Variants in FOCAD observed in about 807,000 individuals in gnomAD.
FOCAD encodes the protein focadhesin, also known as KIAA1797.
FOCAD carries 198 observed loss-of-function variants against 225.6 expected under a neutral mutation model. The observed-to-expected ratio is 0.88, with a 90% CI of 0.78 to 0.99. The LOEUF is 0.99. Ranked by LOEUF, FOCAD falls within the 50% of genes least tolerant of loss-of-function variation. FOCAD has a pLI of 0.00. For missense variants in FOCAD, 2,713 were observed against 2,123.6 expected (o/e 1.28, Z -5.46); for synonymous variants, 897 against 755.0 (o/e 1.19, Z -3.08).
At chr9:20,798,384 C>T (rs1275054346) in intron 11 of FOCAD, among the ~76,000 whole-genome samples, 1 of 152,092 alleles carries the variant, frequency 6.6e-6, no homozygotes, top group Non-Finnish European at 1.5e-5. Flanking sequence ...GGAGGATTCC[C>T]TCTTTTTCTA....
chr9:20,714,215 G>C (rs1319517968), intron 1 of FOCAD, among the ~76,000 whole-genome samples: 1 of 152,098 alleles, frequency 6.6e-6, no homozygotes, highest in Admixed American at 6.6e-5. Context: ...AATCCAAAGT[G>C]CTCCAATGAG....
intron 21 of FOCAD, among the ~76,000 whole-genome samples, chr9:20,903,657 G>A (rs1832728952): frequency 6.6e-6 from 1 of 151,800 alleles, no homozygotes; most frequent in Admixed American, 6.6e-5. Context: ...ATTGTAGTTA[G>A]ACTGACCTCT....
chr9:20,840,197 A>C (rs1245278772), intron 15 of FOCAD, among the ~76,000 whole-genome samples: 3 of 152,060 alleles, frequency 2.0e-5, no homozygotes. Flanking sequence ...TATGTGAAGA[A>C]TGTCTTTGTT....
chr9:20,786,796 A>ACCTG (rs1211715384), intron 10 of FOCAD: 1 of 158,508 alleles, frequency 6.3e-6, no homozygotes, highest in African/African-American at 2.4e-5. Flanking sequence ...TACCTGTAAA[A>ACCTG]GATGTCTTAC....
intron 43 of FOCAD, among the ~76,000 whole-genome samples, chr9:20,995,307 C>G (rs1248602363): frequency 2.6e-5 from 4 of 150,978 alleles, no homozygotes; most frequent in African/African-American, 9.7e-5. Context: ...TCCCAGAAGT[C>G]AGCTTTCATT....
intron 1 of FOCAD, among the ~76,000 whole-genome samples, chr9:20,709,270 C>T (rs1396783320): frequency 6.6e-6 from 1 of 151,824 alleles, no homozygotes; most frequent in African/African-American, 2.4e-5. Flanking sequence ...TTTAGACAGA[C>T]AAAAAAGGCA....
At chr9:20,843,640 A>C (rs756566441) in intron 15 of FOCAD, among the ~76,000 whole-genome samples, 1 of 152,154 alleles carries the variant, frequency 6.6e-6, no homozygotes, top group East Asian at 1.9e-4. Flanking sequence ...GAATATTGAT[A>C]TCTTTCTCTA....
chr9:20,931,990 C>A (rs113834331), intron 27 of FOCAD, among the ~76,000 whole-genome samples: 3,073 of 151,748 alleles, frequency 0.02, 114 homozygotes, highest in African/African-American at 0.071. Flanking sequence ...AATTTAAGTT[C>A]CATCTAAAAT....
At chr9:20,876,500 T>C (rs930542379) in intron 19 of FOCAD, among the ~76,000 whole-genome samples, 2 of 152,180 alleles carry the variant, frequency 1.3e-5, no homozygotes, top group African/African-American at 4.8e-5. Context: ...AGTGCTATGA[T>C]GGCTATTACC....
Position 20,770,130 on chromosome 9 carries a change from C to T in FOCAD, c.798C>T (p.Thr266=). The part of the protein sequence containing the change: ...RHPVFWKIQL[T]QMSLQLLCVS... ...CTGTTTTCTGGAAAATTCAGCTTAC[C>T]CAGATGAGTCTTCAGCTGCTGTGTG... is the stretch of plus-strand genomic sequence containing the variant. The change falls in exon 8 of 44, where the codon ACC becomes ACT. Residue 266 remains threonine, a synonymous_variant. Coordinates refer to ENST00000338382, the MANE Select transcript of FOCAD (RefSeq NM_001375567.1). The T allele has an allele frequency of 6.2e-7, 1 of 1,613,954 alleles. No individual in the cohort carries two copies.
intron 35 of FOCAD, among the ~76,000 whole-genome samples, chr9:20,961,480 A>T (rs536381527): frequency 1.7e-4 from 26 of 152,230 alleles, no homozygotes; most frequent in Middle Eastern, 6.8e-3. Context: ...TTAGTGGAGC[A>T]TGGTATTTAG....
intron 1 of FOCAD, among the ~76,000 whole-genome samples, chr9:20,702,363 C>A (rs1192826127): frequency 1.1e-4 from 16 of 152,142 alleles, no homozygotes; most frequent in Admixed American, 1.0e-3. Flanking sequence ...CTCAGCCTCC[C>A]AAAGTGCTGG....
At chr9:20,877,300 C>A (rs1830308648) in intron 19 of FOCAD, among the ~76,000 whole-genome samples, 1 of 152,100 alleles carries the variant, frequency 6.6e-6, no homozygotes, top group African/African-American at 2.4e-5. Context: ...ATTAAAATAT[C>A]TAAAGTCTAA....
intron 15 of FOCAD, among the ~76,000 whole-genome samples, chr9:20,845,936 T>A (rs1172993137): frequency 1.3e-5 from 2 of 152,166 alleles, no homozygotes; most frequent in African/African-American, 2.4e-5. Context: ...ATATGATGCA[T>A]TGAAATAAAT....
rs545081699 is a variant in FOCAD at position 20,953,035 on chromosome 9, A to G, written c.4102A>G (p.Ile1368Val). The G allele has an allele frequency of 4.8e-5, 78 of 1,613,496 alleles. No homozygotes were observed. The South Asian group carries it at 7.8e-4, about 16-fold the overall frequency. Residue 1368 changes from isoleucine (I) to valine (V), a missense_variant, in exon 35 of 44, where the codon ATT becomes GTT. Ile to Val is a conservative substitution (Grantham distance 29, BLOSUM62 3). Coordinates refer to ENST00000338382, the MANE Select transcript of FOCAD (RefSeq NM_001375567.1). ...LPESSFIGAAIGFFITGGKKG... is the reference protein window; with the variant it reads ...LPESSFIGAAVGFFITGGKKG... The stretch of plus-strand genomic sequence containing the variant: ...TGAAAGCAGTTTTATTGGAGCAGCT[A>G]TTGGCTTCTTCATTACAGGAGGAAA...
chr9:20,782,339 T>C lies in FOCAD; in HGVS notation c.1197+410T>C, dbSNP rs370229417. ...GTCCTCAAATGCCTGGAAGTTCTCA[T>C]ATCAGTAAGAACTAAAACTTCTTTA... On this transcript the variant is annotated intron_variant, in intron 10 of 43. Coordinates refer to ENST00000338382, the MANE Select transcript of FOCAD (RefSeq NM_001375567.1). Among the ~76,000 whole-genome samples, 25 of 152,318 alleles carry C rather than the reference T, an allele frequency of 1.6e-4. No individual in the cohort carries two copies. In the East Asian group the frequency reaches 2.3e-3, roughly 14 times the overall value.
chr9:20,801,050 T>C (rs546558936), intron 11 of FOCAD, among the ~76,000 whole-genome samples: 57 of 152,268 alleles, frequency 3.7e-4, no homozygotes, highest in African/African-American at 1.3e-3. Context: ...TTCTGTTTGT[T>C]AGTTTTCCTT....
rs537185095 is a variant in FOCAD, at chr9:20,954,748, C to T, written c.4132+1683C>T. On this transcript the variant is annotated intron_variant, in intron 35 of 43. Transcript: ENST00000338382. ...GCCATATTACCAATCAGATTTTTGG[C>T]ATTTTCAGGTTGTGGGAGAGGGCTG... Among the ~76,000 whole-genome samples the T allele has an allele frequency of 3.2e-4, 48 of 152,264 alleles. No individual in the cohort carries two copies. In the South Asian group the frequency reaches 9.5e-3, roughly 30 times the overall value.
At chr9:20,795,099 A>C (rs1438833052) in intron 11 of FOCAD, among the ~76,000 whole-genome samples, 1 of 152,088 alleles carries the variant, frequency 6.6e-6, no homozygotes, top group Non-Finnish European at 1.5e-5. Flanking sequence ...TAAAACATGG[A>C]AAGTGGGTGG....
Sources: gnomAD v4.1 joint callset for allele counts (sites outside exome capture counted in the v4.1 genomes callset) on GRCh38, gnomAD v4.1.1 for gene constraint, MANE v1.5 for transcripts, NCBI Gene and HGNC (gene_info 2026-07-23, HGNC 2026-07-21) for gene names.